Variants in SCUBE3 observed in about 807,000 individuals in gnomAD.
SCUBE3 encodes signal peptide, CUB and EGF-like domain-containing protein 3.
A neutral mutation model predicts 116.8 loss-of-function variants in SCUBE3; 33 were observed. The ratio of observed to expected loss-of-function variants is 0.28; its 90% confidence interval spans 0.21 to 0.38. SCUBE3 has a LOEUF of 0.38. SCUBE3 is among the 10% of genes least tolerant of loss of function. The probability of loss-of-function intolerance (pLI) is 1.00; values close to 1 mark genes in which losing one functional copy is unlikely to be tolerated. For synonymous variants in SCUBE3, 418 were observed against 496.9 expected (o/e 0.84, Z 2.11); for missense variants, 1,007 against 1,324.8 (o/e 0.76, Z 3.72).
intron 3 of SCUBE3, among the ~76,000 whole-genome samples, chr6:35,230,180 G>T (rs1473306268): frequency 6.6e-6 from 1 of 152,164 alleles, no homozygotes; most frequent in African/African-American, 2.4e-5. Context: ...CACCCTTGAG[G>T]GCCTCTTATG....
intron 3 of SCUBE3, among the ~76,000 whole-genome samples, chr6:35,230,780 G>C (rs1406461892): frequency 6.6e-6 from 1 of 152,220 alleles, no homozygotes; most frequent in East Asian, 1.9e-4. Flanking sequence ...CAGCAGAGAG[G>C]ATGGGAAGAG....
rs546174580 is a variant in SCUBE3, at chr6:35,239,742, C to T, written c.830-10C>T. The T allele has an allele frequency of 6.2e-7, 1 of 1,610,550 alleles. No homozygotes were observed. The highest frequency in any genetic ancestry group is 1.1e-5 in the South Asian group (1 of 90,276). ...AGTATCTTTTATCCTGTTTTGTCCT[C>T]CTTCTTCAGATATAGATGAGTGCCG... On this transcript the variant is annotated splice_polypyrimidine_tract_variant and intron_variant, in intron 7 of 21. Coordinates refer to ENST00000274938, the MANE Select transcript of SCUBE3 (RefSeq NM_152753.4). This position sits in a 1 kb window ranked among gnomAD's most constrained non-coding sequence, Gnocchi z 4.1.
chr6:35,249,001 C>A lies in SCUBE3; in HGVS notation c.*296C>A. The A allele has an allele frequency of 3.3e-6, 1 of 302,480 alleles. No individual in the cohort carries two copies. 18.7% of individuals were successfully genotyped at this position (302,480 alleles called of 1,614,324 possible). On this transcript the variant is annotated 3_prime_UTR_variant, in exon 22 of 22. Coordinates refer to ENST00000274938, the MANE Select transcript of SCUBE3 (RefSeq NM_152753.4). Reference sequence around the variant, plus strand: ...AAACAGTACAGCCCCTTCCACTGCCCATTTTACCAGCTCACATTCCCGACC... The same window carrying A: ...AAACAGTACAGCCCCTTCCACTGCCAATTTTACCAGCTCACATTCCCGACC...
intron 1 of SCUBE3, among the ~76,000 whole-genome samples, chr6:35,227,230 C>T (rs1190238743): frequency 3.3e-5 from 5 of 152,158 alleles, no homozygotes; most frequent in African/African-American, 7.2e-5. Context: ...AAGCCTTCTC[C>T]GTAAACTCAT....
At position 35,248,922 on chromosome 6, in the gene SCUBE3, A is replaced by G. The variant is rs1273906469; in HGVS notation, c.*217A>G. On this transcript the variant is annotated 3_prime_UTR_variant, in exon 22 of 22. Coordinates refer to ENST00000274938, the MANE Select transcript of SCUBE3 (RefSeq NM_152753.4). ...TCTCTACTGTTCCCCCTTTTCTAACACACTACCTAGAAAAGCCATTCAGTA... is the reference window on the plus strand; with the variant it reads ...TCTCTACTGTTCCCCCTTTTCTAACGCACTACCTAGAAAAGCCATTCAGTA... 2 of 568,630 alleles carry G rather than the reference A, an allele frequency of 3.5e-6. No homozygotes were observed. Among genetic ancestry groups the G allele is most frequent in the African/African-American group, 3.8e-5 (2 of 52,912 alleles). The allele number at this position is 568,630 out of a possible 1,614,324, so 35.2% of individuals were successfully genotyped here.
rs139036230 is a variant in SCUBE3, at chr6:35,235,189, C to T, written c.712+1888C>T. Among the ~76,000 whole-genome samples, 69 of 152,300 alleles carry T rather than the reference C, an allele frequency of 4.5e-4. No individual in the cohort carries two copies. The highest frequency in any genetic ancestry group is 1.6e-3 in the African/African-American group (66 of 41,558). ...TTAGGCTTGAGCATGCTCTGTGGTA[C>T]TGGGCACATGGTTGGTTGCCCTTTC... On this transcript the variant is annotated intron_variant, in intron 6 of 21. Coordinates refer to ENST00000274938, the MANE Select transcript of SCUBE3 (RefSeq NM_152753.4). This position sits in a 1 kb window ranked among gnomAD's most constrained non-coding sequence, Gnocchi z 4.5.
At position 35,228,844 on chromosome 6, in the gene SCUBE3, G is replaced by GAATT; in HGVS notation, c.334+105_334+106insAATT. 4 of 1,207,416 alleles carry GAATT rather than the reference G, an allele frequency of 3.3e-6. No homozygotes were observed. The South Asian group carries it at 3.9e-5, about 12-fold the overall frequency. 74.8% of individuals were successfully genotyped at this position (1,207,416 alleles called of 1,614,324 possible). A position where few individuals can be genotyped will look rare whatever the true frequency, so the allele number is the denominator to read the frequency against. On this transcript the variant is annotated intron_variant, in intron 3 of 21. Transcript: ENST00000274938. This position sits in a 1 kb window ranked among gnomAD's most constrained non-coding sequence, Gnocchi z 4.9. ...AAGGAGGAGAGAGTGATCAAGAAGAGCTACATTCACAAGAGAATAAGGTCA... is the reference window on the plus strand; with the variant it reads ...AAGGAGGAGAGAGTGATCAAGAAGAGAATTCTACATTCACAAGAGAATAAGGTCA...
rs372979498 is a variant in SCUBE3 at position 35,248,756 on chromosome 6, C to T, written c.*51C>T. The T allele has an allele frequency of 3.4e-4, 528 of 1,533,010 alleles. 2 individuals are homozygous for T. Among genetic ancestry groups the T allele is most frequent in the Admixed American group, 1.3e-3 (75 of 56,348 alleles). The allele number at this position is 1,533,010 out of a possible 1,614,324, so 95.0% of individuals were successfully genotyped here. A position where few individuals can be genotyped will look rare whatever the true frequency, so the allele number is the denominator to read the frequency against. ...TTTTAAGCCCCCAGACTCCTTAGCC[C>T]TCAGAGCCGGCAGCCCCCTACCCTC... On this transcript the variant is annotated 3_prime_UTR_variant, in exon 22 of 22. Coordinates refer to ENST00000274938, the MANE Select transcript of SCUBE3 (RefSeq NM_152753.4).
intron 2 of SCUBE3, 142 bp downstream of exon 2, chr6:35,227,844 C>G: frequency 1.2e-6 from 1 of 843,028 alleles, no homozygotes; most frequent in South Asian, 1.6e-5. Context: ...AGGGGGGCAA[C>G]TGCATCTTCC....
In SCUBE3 at chr6:35,233,334, T is replaced by A. The variant is rs1158712755; in HGVS notation, c.712+33T>A. On this transcript the variant is annotated intron_variant, in intron 6 of 21. Transcript: ENST00000274938. The surrounding 1 kb of genome is among the most constrained non-coding windows in gnomAD (Gnocchi z 5.7). Reference sequence around the variant, plus strand: ...AGGCCAGGGGAGAACTCAGTCCACCTGAGATGGGGTGGGGGTGGGACCCTT... The same window carrying A: ...AGGCCAGGGGAGAACTCAGTCCACCAGAGATGGGGTGGGGGTGGGACCCTT... 8.0e-7 allele frequency: 1 copy of A among 1,254,760 alleles called. No individual in the cohort carries two copies. The highest frequency in any genetic ancestry group is 1.5e-5 in the African/African-American group (1 of 64,908). 77.7% of individuals were successfully genotyped at this position (1,254,760 alleles called of 1,614,324 possible). A position where few individuals can be genotyped will look rare whatever the true frequency, so the allele number is the denominator to read the frequency against.
chr6:35,225,416 G>A (rs79103952), intron 1 of SCUBE3, among the ~76,000 whole-genome samples: 202 of 152,318 alleles, frequency 1.3e-3, no homozygotes, highest in African/African-American at 4.6e-3. Flanking sequence ...CTTACCATCT[G>A]CGAGGTCCCT....
rs1783050355 is a variant in SCUBE3 at position 35,219,676 on chromosome 6, G to T, written c.85+5173G>T. On this transcript the variant is annotated intron_variant, in intron 1 of 21. Transcript: ENST00000274938. This position sits in a 1 kb window ranked among gnomAD's most constrained non-coding sequence, Gnocchi z 4.7. ...TCTAAGGAATCCCTCTGAAAGTGGG[G>T]AGTATCAGGATATGTGGGCATTGGG... Among the ~76,000 whole-genome samples, 1 of 152,128 alleles carries T rather than the reference G, an allele frequency of 6.6e-6. No homozygotes were observed. The highest frequency in any genetic ancestry group is 6.5e-5 in the Admixed American group (1 of 15,284).
chr6:35,244,896 G>A lies in SCUBE3; in HGVS notation c.2401+85G>A, dbSNP rs941205486. 1 of 1,362,054 alleles carries A rather than the reference G, an allele frequency of 7.3e-7. No homozygotes were observed. The highest frequency in any genetic ancestry group is 1.7e-5 in the Admixed American group (1 of 57,298). 84.4% of individuals were successfully genotyped at this position (1,362,054 alleles called of 1,614,324 possible). A position where few individuals can be genotyped will look rare whatever the true frequency, so the allele number is the denominator to read the frequency against. ...TAAAGGAGGGGTGTGAAACCAACAG[G>A]GAGCAGGGCTGGGGGGTGGAGGAGC... On this transcript the variant is annotated intron_variant, in intron 18 of 21. Coordinates refer to ENST00000274938, the MANE Select transcript of SCUBE3 (RefSeq NM_152753.4). This position sits in a 1 kb window ranked among gnomAD's most constrained non-coding sequence, Gnocchi z 4.3.
Position 35,244,852 on chromosome 6 carries a change from C to G in SCUBE3, c.2401+41C>G, listed in dbSNP as rs772150374. On this transcript the variant is annotated intron_variant, in intron 18 of 21. Transcript: ENST00000274938. The surrounding 1 kb of genome is among the most constrained non-coding windows in gnomAD (Gnocchi z 4.3). Reference sequence around the variant, plus strand: ...GGCTGTGCAAAAGGGAGGAGAGAGGCCTGGGAGCAGTGGACATCTAAAGGA... The same window carrying G: ...GGCTGTGCAAAAGGGAGGAGAGAGGGCTGGGAGCAGTGGACATCTAAAGGA... 1.9e-6 allele frequency: 3 copies of G among 1,598,390 alleles called. No homozygotes were observed. Among genetic ancestry groups the G allele is most frequent in the Non-Finnish European group, 1.7e-6 (2 of 1,166,724 alleles).
Position 35,227,687 on chromosome 6 carries a change from G to A in SCUBE3, c.193G>A (p.Gly65Ser), listed in dbSNP as rs201803545. Residue 65 changes from glycine to serine, a missense_variant, in exon 2 of 22, where the codon GGC (glycine) becomes AGC (serine). By Grantham distance (56) the Gly-to-Ser change is moderately conservative (BLOSUM62 0). Coordinates refer to ENST00000274938, the MANE Select transcript of SCUBE3 (RefSeq NM_152753.4). ...CTGCAAGTCTGGCTACACAGGGGAC[G>A]GCAAACACTGCAAAGGTGAGGCTGG... ...CICKSGYTGD[G>S]KHCKDVDECE... is the part of the protein sequence containing the mutation. 2.8e-5 allele frequency: 45 copies of A among 1,614,116 alleles called. No homozygotes were observed. The highest frequency in any genetic ancestry group is 6.7e-5 in the East Asian group (3 of 44,890).
In SCUBE3 at chr6:35,233,389, G is replaced by A. The variant is rs1448384500; in HGVS notation, c.712+88G>A. ...AACCAGGGAAGTGGAGGAGTGCATGGGGCCCAGGTGCTGGGCACAGAGGGA... is the reference window on the plus strand; with the variant it reads ...AACCAGGGAAGTGGAGGAGTGCATGAGGCCCAGGTGCTGGGCACAGAGGGA... On this transcript the variant is annotated intron_variant, in intron 6 of 21. Coordinates refer to ENST00000274938, the MANE Select transcript of SCUBE3 (RefSeq NM_152753.4). The surrounding 1 kb of genome is among the most constrained non-coding windows in gnomAD (Gnocchi z 5.7). The A allele has an allele frequency of 4.9e-6, 4 of 814,324 alleles. No homozygotes were observed. Among genetic ancestry groups the A allele is most frequent in the Non-Finnish European group, 8.5e-6 (4 of 470,504 alleles). The allele number at this position is 814,324 out of a possible 1,614,324, so 50.4% of individuals were successfully genotyped here.
chr6:35,223,452 T>C (rs1392681537), intron 1 of SCUBE3: 1 of 152,210 alleles, frequency 6.6e-6, no homozygotes, highest in African/African-American at 2.4e-5. Flanking sequence ...TACTCTGTCA[T>C]GTGGCTGCCC....
In SCUBE3 at chr6:35,233,886, A is replaced by AC. The variant is rs1029447296; in HGVS notation, c.712+591dup. Among the ~76,000 whole-genome samples the AC allele has an allele frequency of 1.3e-5, 2 of 148,426 alleles. No homozygotes were observed. Among genetic ancestry groups the AC allele is most frequent in the Admixed American group, 1.3e-4 (2 of 14,874 alleles). On this transcript the variant is annotated intron_variant, in intron 6 of 21. Transcript: ENST00000274938. This position sits in a 1 kb window ranked among gnomAD's most constrained non-coding sequence, Gnocchi z 5.7. Reference sequence around the variant, plus strand: ...CTCCCCTTTCTACTCACCTCACCTTACCCCCCATTTCCTTCTCTCTCCTCC... The same window carrying AC: ...CTCCCCTTTCTACTCACCTCACCTTACCCCCCCATTTCCTTCTCTCTCCTCC...
At chr6:35,216,761 C>A (rs943710210) in intron 1 of SCUBE3, among the ~76,000 whole-genome samples, 1 of 152,148 alleles carries the variant, frequency 6.6e-6, no homozygotes, top group Admixed American at 6.5e-5. Context: ...AAATCAAATA[C>A]CCTTGGCAAG....
Sources: gnomAD v4.1 joint callset for allele counts (sites outside exome capture counted in the v4.1 genomes callset) on GRCh38, gnomAD v4.1.1 for gene constraint, Gnocchi (gnomAD v3.1) non-coding constraint, MANE v1.5 for transcripts, NCBI Gene and HGNC (gene_info 2026-07-23, HGNC 2026-07-21) for gene names.